The following AMPH variants were observed in gnomAD, a reference collection of about 807,000 sequenced individuals.
The protein encoded by AMPH is amphiphysin.
In AMPH, 49 loss-of-function variants were observed where a neutral mutation model predicts 99.1. That is an observed-to-expected ratio of 0.49 (90% confidence interval 0.39 to 0.63). The LOEUF is 0.63. Ranked by LOEUF, AMPH falls within the 20% of genes least tolerant of loss-of-function variation. AMPH has a pLI of 0.00. For synonymous variants in AMPH, 314 were observed against 317.3 expected (o/e 0.99, Z 0.11); for missense variants, 759 against 863.4 (o/e 0.88, Z 1.52).
intron 11 of AMPH, among the ~76,000 whole-genome samples, chr7:38,456,673 C>T (rs922986507): frequency 2.0e-4 from 30 of 152,286 alleles, no homozygotes; most frequent in African/African-American, 6.5e-4. Context: ...ACTCCACCAC[C>T]GCTACTGACA....
chr7:38,402,981 G>A (rs902679016), intron 17 of AMPH, among the ~76,000 whole-genome samples: 2 of 151,948 alleles, frequency 1.3e-5, no homozygotes, highest in Non-Finnish European at 2.9e-5. Flanking sequence ...CAGCTTTCTC[G>A]TGAATCTTCT....
In AMPH at chr7:38,521,801, T is replaced by C. The variant is rs1326341410; in HGVS notation, c.150+13130A>G. ...CTGTATACTTCAGTAGTACATTCTT[T>C]ATTATCCAGTTTTCTTACATGATAG... On this transcript the variant is annotated intron_variant, in intron 2 of 20. Coordinates refer to ENST00000356264, the MANE Select transcript of AMPH (RefSeq NM_001635.4). Among the ~76,000 whole-genome samples the C allele has an allele frequency of 1.1e-4, 16 of 152,308 alleles. 1 individual carries two copies. In the South Asian group the frequency reaches 2.7e-3, roughly 26 times the overall value.
At chr7:38,463,542 C>G (rs1289920022) in intron 9 of AMPH, among the ~76,000 whole-genome samples, 1 of 152,144 alleles carries the variant, frequency 6.6e-6, no homozygotes, top group East Asian at 1.9e-4. Flanking sequence ...TTTCTATTTA[C>G]AAGAGAATCT....
chr7:38,384,802 T>C lies in AMPH; in HGVS notation c.*16A>G. 1.9e-6 allele frequency: 3 copies of C among 1,606,818 alleles called. No individual in the cohort carries two copies. The highest frequency in any genetic ancestry group is 2.6e-6 in the Non-Finnish European group (3 of 1,173,382). ...AAAACCCCGTAACTGAGCTCCTTCTTGCAGTACTTGTTGCCCTAATCTAAG... is the reference window on the plus strand; with the variant it reads ...AAAACCCCGTAACTGAGCTCCTTCTCGCAGTACTTGTTGCCCTAATCTAAG... On this transcript the variant is annotated 3_prime_UTR_variant, in exon 21 of 21. Coordinates refer to ENST00000356264, the MANE Select transcript of AMPH (RefSeq NM_001635.4).
At chr7:38,531,346 T>A (rs1359973115) in intron 2 of AMPH, 2 of 152,266 alleles carry the variant, frequency 1.3e-5, no homozygotes, top group African/African-American at 4.8e-5. Context: ...AGGCTCTCCT[T>A]GTTTTAATTA....
At chr7:38,482,392 T>G (rs144714752) in intron 5 of AMPH, among the ~76,000 whole-genome samples, 259 of 152,278 alleles carry the variant, frequency 1.7e-3, no homozygotes, top group African/African-American at 5.8e-3. Context: ...ACCTCAACCA[T>G]GGACCTCAAT....
intron 1 of AMPH, among the ~76,000 whole-genome samples, chr7:38,580,809 C>A (rs1792425545): frequency 6.6e-6 from 1 of 152,102 alleles, no homozygotes; most frequent in Admixed American, 6.6e-5. Flanking sequence ...CCCAAAGCAC[C>A]TAACTTTGTA....
At chr7:38,434,357 G>C (rs1475934955) in intron 12 of AMPH, among the ~76,000 whole-genome samples, 1 of 152,170 alleles carries the variant, frequency 6.6e-6, no homozygotes, top group African/African-American at 2.4e-5. Context: ...TTTCTCTCCT[G>C]ATTCAAACTT....
rs767399373 is a variant in AMPH at position 38,462,976 on chromosome 7, T to C, written c.887A>G (p.Gln296Arg). Residue 296 changes from glutamine (Q) to arginine (R), a missense_variant and splice_region_variant, in exon 10 of 21, where the codon CAG becomes CGG. Transcript: ENST00000356264. ...PAPARPRSPS[Q>R]TRKGPPVPPL... Reference sequence around the variant, plus strand: ...CCAATATATTTGACCTCTTCCTACCTGTGAAGGTGACCGAGGCCGTGCTGG... The same window carrying C: ...CCAATATATTTGACCTCTTCCTACCCGTGAAGGTGACCGAGGCCGTGCTGG... The C allele has an allele frequency of 6.4e-7, 1 of 1,569,404 alleles. No individual in the cohort carries two copies. Among genetic ancestry groups the C allele is most frequent in the Non-Finnish European group, 8.6e-7 (1 of 1,158,530 alleles).
intron 1 of AMPH, among the ~76,000 whole-genome samples, chr7:38,535,276 T>A (rs1309844214): frequency 6.6e-6 from 1 of 152,182 alleles, no homozygotes; most frequent in Non-Finnish European, 1.5e-5. Flanking sequence ...TTTCTTTATA[T>A]AACTGTTTCC....
chr7:38,468,876 C>T (rs1787768697), intron 7 of AMPH, among the ~76,000 whole-genome samples: 1 of 66,490 alleles, frequency 1.5e-5, no homozygotes, highest in Non-Finnish European at 2.8e-5. Flanking sequence ...TACAGACGGC[C>T]GGGCGCGGTG....
At chr7:38,610,234 C>CAAAAAAAAAAAA (rs544036143) in intron 1 of AMPH, among the ~76,000 whole-genome samples, 1 of 6,126 alleles carries the variant, frequency 1.6e-4, no homozygotes, top group Admixed American at 3.1e-3. Flanking sequence ...TAAGCTCTCT[C>CAAAAAAAAAAAA]AAAAAAAAAA....
At chr7:38,599,701 T>C (rs1793178868) in intron 1 of AMPH, among the ~76,000 whole-genome samples, 1 of 152,144 alleles carries the variant, frequency 6.6e-6, no homozygotes, top group African/African-American at 2.4e-5. Flanking sequence ...AATTGCTATG[T>C]TCTTATACAT....
At chr7:38,451,058 A>T (rs1159647481) in intron 11 of AMPH, among the ~76,000 whole-genome samples, 1 of 137,918 alleles carries the variant, frequency 7.3e-6, no homozygotes, top group Admixed American at 7.3e-5. Context: ...ATGCCCAGCT[A>T]TTTTTTTTTT....
At chr7:38,599,769 T>C (rs1793182114) in intron 1 of AMPH, among the ~76,000 whole-genome samples, 1 of 106,720 alleles carries the variant, frequency 9.4e-6, no homozygotes, top group African/African-American at 3.5e-5. Flanking sequence ...GTATTAATAT[T>C]TTATCATTAA....
chr7:38,532,861 A>C (rs1392863364), intron 2 of AMPH, among the ~76,000 whole-genome samples: 1 of 152,212 alleles, frequency 6.6e-6, no homozygotes, highest in Non-Finnish European at 1.5e-5. Flanking sequence ...ACAACATTAA[A>C]GTGCCATAAA....
chr7:38,539,694 C>T (rs1790742683), intron 1 of AMPH, among the ~76,000 whole-genome samples: 1 of 152,082 alleles, frequency 6.6e-6, no homozygotes, highest in South Asian at 2.1e-4. Context: ...GGGAAAGGTC[C>T]CCAGGAGAGG....
chr7:38,431,394 A>T (rs1157505097), intron 13 of AMPH, among the ~76,000 whole-genome samples: 1 of 152,218 alleles, frequency 6.6e-6, no homozygotes, highest in Non-Finnish European at 1.5e-5. Flanking sequence ...GCAGTGGCTC[A>T]CACCTGTAAT....
intron 15 of AMPH, among the ~76,000 whole-genome samples, chr7:38,423,488 G>C (rs1030006579): frequency 1.3e-5 from 2 of 152,156 alleles, no homozygotes; most frequent in African/African-American, 4.8e-5. Flanking sequence ...ATGGTGTTTT[G>C]AACACATGCA....
Sources: gnomAD v4.1 joint callset for allele counts (sites outside exome capture counted in the v4.1 genomes callset) on GRCh38, gnomAD v4.1.1 for gene constraint, MANE v1.5 for transcripts, NCBI Gene and HGNC (gene_info 2026-07-23, HGNC 2026-07-21) for gene names.